Variants in ST8SIA1 observed in about 807,000 individuals in gnomAD.
ST8SIA1 encodes the protein alpha-N-acetylneuraminide alpha-2,8-sialyltransferase.
ST8SIA1 carries 16 observed loss-of-function variants against 35.9 expected under a neutral mutation model. The ratio of observed to expected loss-of-function variants is 0.45; its 90% CI spans 0.30 to 0.68. The LOEUF is 0.68. Ranked by LOEUF, ST8SIA1 falls within the 30% of genes least tolerant of loss-of-function variation. The pLI is 0.09. For missense variants in ST8SIA1, 383 were observed against 453.6 expected (o/e 0.84, Z 1.41); for synonymous variants, 170 against 169.6 (o/e 1.00, Z -0.02).
intron 1 of ST8SIA1, among the ~76,000 whole-genome samples, chr12:22,312,701 C>T (rs1452078038): frequency 1.4e-5 from 2 of 141,948 alleles, no homozygotes; most frequent in Non-Finnish European, 3.0e-5. Flanking sequence ...CAAGTAGGGG[C>T]GTCACGGAAA....
At chr12:22,227,102 C>CA (rs1865367870) in intron 4 of ST8SIA1, among the ~76,000 whole-genome samples, 1 of 151,858 alleles carries the variant, frequency 6.6e-6, no homozygotes, top group Admixed American at 6.6e-5. Flanking sequence ...CCCACCACCA[C>CA]ACCTGGCTAA....
At chr12:22,237,047 C>G (rs1053901210) in intron 4 of ST8SIA1, among the ~76,000 whole-genome samples, 1 of 152,184 alleles carries the variant, frequency 6.6e-6, no homozygotes, top group Non-Finnish European at 1.5e-5. Flanking sequence ...CTCCAACTCA[C>G]AGGGCTGTGG....
At chr12:22,203,184 TA>T (rs1336306944) in intron 4 of ST8SIA1, among the ~76,000 whole-genome samples, 1 of 150,316 alleles carries the variant, frequency 6.7e-6, no homozygotes, top group Non-Finnish European at 1.5e-5. Context: ...ACACTCAAGT[TA>T]AAAAAAAGAG....
intron 2 of ST8SIA1, among the ~76,000 whole-genome samples, chr12:22,275,072 G>T (rs1865953722): frequency 6.6e-6 from 1 of 152,160 alleles, no homozygotes; most frequent in Non-Finnish European, 1.5e-5. Flanking sequence ...GTTGAGACTT[G>T]GGAGAGGGAA....
chr12:22,320,974 A>G (rs1866584675), intron 1 of ST8SIA1, among the ~76,000 whole-genome samples: 3 of 92,314 alleles, frequency 3.2e-5, no homozygotes, highest in African/African-American at 1.7e-4. Flanking sequence ...AAAGAAAGAA[A>G]GAAAGAAAGA....
chr12:22,288,457 T>TTGAAA (rs1200082585), intron 1 of ST8SIA1, among the ~76,000 whole-genome samples: 1 of 152,120 alleles, frequency 6.6e-6, no homozygotes, highest in Admixed American at 6.5e-5. Flanking sequence ...ACGTGGTAGG[T>TTGAAA]GTTCTCCTTC....
chr12:22,231,539 T>C (rs1865420294), intron 4 of ST8SIA1, among the ~76,000 whole-genome samples: 1 of 152,116 alleles, frequency 6.6e-6, no homozygotes, highest in Admixed American at 6.6e-5. Context: ...TCTTCTACTT[T>C]GTGCTAATGC....
chr12:22,291,667 T>C (rs980548640), intron 1 of ST8SIA1, among the ~76,000 whole-genome samples: 1 of 152,222 alleles, frequency 6.6e-6, no homozygotes. Context: ...CAATCTAAAA[T>C]TCTTATACGC....
chr12:22,334,706 ACCC>A (rs532500842), exon 1 of ST8SIA1: 9,598 of 64,658 alleles, frequency 0.15, 310 homozygotes, highest in African/African-American at 0.19. Context: ...CCGCCAGGCA[ACCC>A]CCCCCCCCCC....
intron 4 of ST8SIA1, among the ~76,000 whole-genome samples, chr12:22,243,917 G>A (rs1484533285): frequency 2.6e-5 from 4 of 152,030 alleles, no homozygotes; most frequent in African/African-American, 9.7e-5. Context: ...TGTAATCCCA[G>A]CTACTTGGGA....
At chr12:22,247,294 C>A (rs1389426204) in intron 4 of ST8SIA1, among the ~76,000 whole-genome samples, 2 of 152,268 alleles carry the variant, frequency 1.3e-5, no homozygotes, top group East Asian at 3.9e-4. Context: ...TCCAAAGGAA[C>A]ATGTGTTCCT....
At chr12:22,263,969 T>A (rs1591838530) in intron 2 of ST8SIA1, among the ~76,000 whole-genome samples, 2 of 152,212 alleles carry the variant, frequency 1.3e-5, no homozygotes, top group Admixed American at 6.5e-5. Flanking sequence ...TTAATGAAAA[T>A]CTCAAGTTTT....
chr12:22,316,733 T>C (rs114789971), intron 1 of ST8SIA1, among the ~76,000 whole-genome samples: 1,637 of 152,134 alleles, frequency 0.011, 34 homozygotes, highest in African/African-American at 0.038. Flanking sequence ...CTACATTCCC[T>C]TAACAAATAA....
intron 1 of ST8SIA1, among the ~76,000 whole-genome samples, chr12:22,308,625 T>C (rs953746086): frequency 1.3e-5 from 2 of 152,232 alleles, no homozygotes; most frequent in Admixed American, 1.3e-4. Context: ...CCTCTATTTC[T>C]TCACCATCCT....
At position 22,267,535 on chromosome 12, in the gene ST8SIA1, C is replaced by T. The variant is rs113284062; in HGVS notation, c.382-12146G>A. Among the ~76,000 whole-genome samples, 407 of 152,328 alleles carry T rather than the reference C, an allele frequency of 2.7e-3. 3 individuals are homozygous for T. Among genetic ancestry groups the T allele is most frequent in the African/African-American group, 9.2e-3 (384 of 41,572 alleles). On this transcript the variant is annotated intron_variant, in intron 2 of 4. Coordinates refer to ENST00000396037, the MANE Select transcript of ST8SIA1 (RefSeq NM_003034.4). ...AATAAGTGATTTCCAGAGCATCCTT[C>T]TCTTCCCAGTATTCCTGCCTTAATT...
At chr12:22,221,358 G>T (rs900369673) in intron 4 of ST8SIA1, among the ~76,000 whole-genome samples, 5 of 152,084 alleles carry the variant, frequency 3.3e-5, no homozygotes, top group African/African-American at 1.2e-4. Context: ...GATAAAATAG[G>T]CAATCAAAAA....
Position 22,201,898 on chromosome 12 carries a change from A to G in ST8SIA1, c.725T>C (p.Val242Ala), listed in dbSNP as rs1264135395. The G allele has an allele frequency of 1.2e-5, 20 of 1,614,036 alleles. No homozygotes were observed. The highest frequency in any genetic ancestry group is 1.6e-5 in the Non-Finnish European group (19 of 1,179,994). ...SLRVYYTLSDVGANQTVLFAN... is the reference protein window; with the variant it reads ...SLRVYYTLSDAGANQTVLFAN... The stretch of plus-strand genomic sequence containing the variant: ...AAACAGCACTGTTTGATTGGCACCA[A>G]CATCTGACAGTGTATAATAAACCCT... Residue 242 changes from valine (V) to alanine (A), a missense_variant, in exon 5 of 5, where the codon GTT becomes GCT. Coordinates refer to ENST00000396037, the MANE Select transcript of ST8SIA1 (RefSeq NM_003034.4).
At chr12:22,214,542 T>C (rs527246202) in intron 4 of ST8SIA1, among the ~76,000 whole-genome samples, 1 of 152,014 alleles carries the variant, frequency 6.6e-6, no homozygotes, top group Non-Finnish European at 1.5e-5. Context: ...AATAATGTTA[T>C]AGCCAAGTGA....
chr12:22,233,635 A>T (rs992925471), intron 4 of ST8SIA1, among the ~76,000 whole-genome samples: 1 of 152,066 alleles, frequency 6.6e-6, no homozygotes, highest in African/African-American at 2.4e-5. Flanking sequence ...ACCCCTCCAC[A>T]GTATCTCTCA....
Sources: gnomAD v4.1 joint callset for allele counts (sites outside exome capture counted in the v4.1 genomes callset) on GRCh38, gnomAD v4.1.1 for gene constraint, MANE v1.5 for transcripts, NCBI Gene and HGNC (gene_info 2026-07-23, HGNC 2026-07-21) for gene names.